The following TSPAN13 variants were observed in gnomAD, a reference collection of about 807,000 sequenced individuals.
TSPAN13 encodes the protein tetraspanin 13.
A neutral mutation model predicts 26.9 loss-of-function variants in TSPAN13; 18 were observed. That is an observed-to-expected ratio of 0.67 (90% CI 0.46 to 0.99). TSPAN13 has a LOEUF of 0.99. Ranked by LOEUF, TSPAN13 falls within the 50% of genes least tolerant of loss-of-function variation. TSPAN13 has a pLI of 0.00. For synonymous variants in TSPAN13, 116 were observed against 98.4 expected, an observed-to-expected ratio of 1.18 and a Z score of -1.06; for missense variants, 201 against 249.6, an observed-to-expected ratio of 0.81 and a Z score of 1.31.
intron 1 of TSPAN13, among the ~76,000 whole-genome samples, chr7:16,774,894 G>A (rs1784723898): frequency 6.6e-6 from 1 of 152,188 alleles, no homozygotes; most frequent in African/African-American, 2.4e-5. Context: ...AGACACTCAT[G>A]TAGCAGTTTT....
At chr7:16,757,079 A>T (rs1419562297) in intron 1 of TSPAN13, among the ~76,000 whole-genome samples, 2 of 152,216 alleles carry the variant, frequency 1.3e-5, no homozygotes, top group African/African-American at 4.8e-5. Context: ...GACAGGATCT[A>T]GATGAGAGAC....
intron 1 of TSPAN13, among the ~76,000 whole-genome samples, chr7:16,760,515 A>G (rs1262166083): frequency 1.3e-5 from 2 of 152,178 alleles, no homozygotes; most frequent in Non-Finnish European, 2.9e-5. Context: ...AGGATTCAGT[A>G]TTGGACGTGA....
chr7:16,756,603 C>G (rs113314427), intron 1 of TSPAN13, among the ~76,000 whole-genome samples: 10 of 152,172 alleles, frequency 6.6e-5, no homozygotes, highest in African/African-American at 2.2e-4. Context: ...AATTTGATCA[C>G]TAGGCAAAAT....
At chr7:16,764,095 G>A (rs188286006) in intron 1 of TSPAN13, among the ~76,000 whole-genome samples, 8 of 152,136 alleles carry the variant, frequency 5.3e-5, no homozygotes, top group African/African-American at 1.4e-4. Context: ...TTGACTCACC[G>A]CAACCTCTGC....
chr7:16,771,724 T>C (rs1784681686), intron 1 of TSPAN13, among the ~76,000 whole-genome samples: 1 of 152,210 alleles, frequency 6.6e-6, no homozygotes, highest in East Asian at 1.9e-4. Context: ...TGTAAGGCAA[T>C]ACATTTGTGT....
intron 1 of TSPAN13, 91 bp downstream of exon 1, chr7:16,754,121 G>A (rs530931749): frequency 1.5e-6 from 2 of 1,321,890 alleles, no homozygotes; most frequent in Non-Finnish European, 2.1e-6. Context: ...CGACTCACTC[G>A]TTGCATCCCG....
intron 1 of TSPAN13, among the ~76,000 whole-genome samples, chr7:16,754,294 G>GC (rs1207753124): frequency 1.3e-5 from 2 of 151,954 alleles, no homozygotes; most frequent in Non-Finnish European, 2.9e-5. Flanking sequence ...GCTCCACCCC[G>GC]CCCCCTCACC....
At chr7:16,759,725 G>A (rs1345268365) in intron 1 of TSPAN13, among the ~76,000 whole-genome samples, 1 of 144,532 alleles carries the variant, frequency 6.9e-6, no homozygotes, top group Non-Finnish European at 1.5e-5. Flanking sequence ...TTGATATAGG[G>A]TATTGCTCTG....
At position 16,784,366 on chromosome 7, in the gene TSPAN13, T is replaced by C. The variant is rs957699692; in HGVS notation, c.*875T>C. 2 of 152,218 alleles carry C rather than the reference T, an allele frequency of 1.3e-5. No individual in the cohort carries two copies. The highest frequency in any genetic ancestry group is 2.9e-5 in the Non-Finnish European group (2 of 68,020). 9.4% of individuals were successfully genotyped at this position (152,218 alleles called of 1,614,324 possible). ...GTTTTCATGAAATTTCTCAGTATTG[T>C]AACAGCAACTTGTCAAACCTAAGCA... On this transcript the variant is annotated 3_prime_UTR_variant, in exon 6 of 6. Coordinates refer to ENST00000262067, the MANE Select transcript of TSPAN13 (RefSeq NM_014399.4).
rs1402427769 is a variant in TSPAN13, at chr7:16,776,065, G to A, written c.64-146G>A. On this transcript the variant is annotated intron_variant, in intron 1 of 5. Coordinates refer to ENST00000262067, the MANE Select transcript of TSPAN13 (RefSeq NM_014399.4). ...AATACTGCCTATTGAGATCTTGTGT[G>A]TATTCTTGTATTAAGTTTTAGTGCT... 9.4e-6 allele frequency: 6 copies of A among 640,682 alleles called. No individual in the cohort carries two copies. In the East Asian group the frequency reaches 1.1e-4, roughly 12 times the overall value. The allele number at this position is 640,682 out of a possible 1,614,324, so 39.7% of individuals were successfully genotyped here.
rs563448655 is a variant in TSPAN13 at position 16,759,703 on chromosome 7, T to C, written c.63+5673T>C. Among the ~76,000 whole-genome samples, 15 of 142,390 alleles carry C rather than the reference T, an allele frequency of 1.1e-4. No individual in the cohort carries two copies. The South Asian group carries it at 1.1e-3, about 10-fold the overall frequency. 93.4% of individuals were successfully genotyped at this position (142,390 alleles called of 152,430 possible). On this transcript the variant is annotated intron_variant, in intron 1 of 5. Coordinates refer to ENST00000262067, the MANE Select transcript of TSPAN13 (RefSeq NM_014399.4). ...TTTTTTTTCTTTTCTTTCTTTCTTTTTTTTTTTTTTTTTGATATAGGGTAT... is the reference window on the plus strand; with the variant it reads ...TTTTTTTTCTTTTCTTTCTTTCTTTCTTTTTTTTTTTTTGATATAGGGTAT...
rs756458945 is a variant in TSPAN13 at position 16,778,997 on chromosome 7, G to T, written c.427-6G>T. The T allele has an allele frequency of 8.1e-6, 13 of 1,597,940 alleles. 1 individual carries two copies. The South Asian group carries it at 1.3e-4, about 17-fold the overall frequency. Reference sequence around the variant, plus strand: ...AATAAAGGTTTTTTTACTTTAATTGGTGCAGAGCTGTGTTAAAAGTGACCA... The same window carrying T: ...AATAAAGGTTTTTTTACTTTAATTGTTGCAGAGCTGTGTTAAAAGTGACCA... On this transcript the variant is annotated splice_polypyrimidine_tract_variant and splice_region_variant and intron_variant, in intron 4 of 5. Coordinates refer to ENST00000262067, the MANE Select transcript of TSPAN13 (RefSeq NM_014399.4).
chr7:16,760,091 G>A (rs960542976), intron 1 of TSPAN13, among the ~76,000 whole-genome samples: 2 of 152,178 alleles, frequency 1.3e-5, no homozygotes, highest in Admixed American at 1.3e-4. Flanking sequence ...GAAGTCAGGG[G>A]TGGACCCAGG....
At chr7:16,773,512 A>G (rs890563245) in intron 1 of TSPAN13, among the ~76,000 whole-genome samples, 1 of 152,202 alleles carries the variant, frequency 6.6e-6, no homozygotes, top group Non-Finnish European at 1.5e-5. Context: ...GGCAGAGACC[A>G]TGTGATCTGC....
chr7:16,764,142 T>C (rs991941121), intron 1 of TSPAN13, among the ~76,000 whole-genome samples: 1 of 151,976 alleles, frequency 6.6e-6, no homozygotes, highest in Non-Finnish European at 1.5e-5. Context: ...CTCAGTCTTC[T>C]GAGTAGCTGG....
At chr7:16,757,161 C>A (rs1361758892) in intron 1 of TSPAN13, among the ~76,000 whole-genome samples, 1 of 151,892 alleles carries the variant, frequency 6.6e-6, no homozygotes, top group African/African-American at 2.4e-5. Flanking sequence ...AGGACTGTGG[C>A]AGATATTTGT....
chr7:16,754,320 C>T (rs566249356), intron 1 of TSPAN13, among the ~76,000 whole-genome samples: 1 of 152,308 alleles, frequency 6.6e-6, no homozygotes, highest in African/African-American at 2.4e-5. Context: ...CCTTGTTTTT[C>T]AAACATTCAA....
chr7:16,772,282 A>G (rs888830495), intron 1 of TSPAN13, among the ~76,000 whole-genome samples: 1 of 152,182 alleles, frequency 6.6e-6, no homozygotes, highest in Non-Finnish European at 1.5e-5. Context: ...TAACAGTGAG[A>G]GGTTCCTGAT....
intron 5 of TSPAN13, among the ~76,000 whole-genome samples, chr7:16,782,662 T>C (rs1210065062): frequency 1.3e-5 from 2 of 152,230 alleles, no homozygotes; most frequent in Non-Finnish European, 2.9e-5. Context: ...GTAGGAATTA[T>C]AACATTTTAA....
Sources: gnomAD v4.1 joint callset for allele counts (sites outside exome capture counted in the v4.1 genomes callset) on GRCh38, gnomAD v4.1.1 for gene constraint, MANE v1.5 for transcripts, NCBI Gene and HGNC (gene_info 2026-07-23, HGNC 2026-07-21) for gene names.